The following FAT3 variants were observed in gnomAD, a reference collection of about 807,000 sequenced individuals.
FAT3 encodes protocadherin Fat 3.
A neutral mutation model predicts 310.2 loss-of-function variants in FAT3; 95 were observed. The ratio of observed to expected loss-of-function variants is 0.31; its 90% confidence interval spans 0.26 to 0.36. FAT3 has a LOEUF of 0.36. Ranked by LOEUF, FAT3 falls within the 10% of genes least tolerant of loss-of-function variation. FAT3 has a pLI of 1.00. For missense variants in FAT3, 5,408 were observed against 5,715.6 expected (o/e 0.95, Z 1.74); for synonymous variants, 2,314 against 2,192.9 (o/e 1.06, Z -1.54).
rs145265089 is a variant in FAT3 at position 92,804,394 on chromosome 11, A to G, written c.8897-759A>G. On this transcript the variant is annotated intron_variant, in intron 10 of 27. Transcript: ENST00000525166. ...CATCATCTTCTTCCTTCCTCCTCCT[A>G]TCTTGTTCCCCAAGCTGCTTTTGCC... is the stretch of plus-strand genomic sequence containing the variant. 4.7e-4 allele frequency among the ~76,000 whole-genome samples: 71 copies of G among 151,496 alleles called. No individual in the cohort carries two copies. The East Asian group carries it at 8.0e-3, about 17-fold the overall frequency.
At chr11:92,305,649 C>T (rs745917707) in intron 1 of FAT3, among the ~76,000 whole-genome samples, 1 of 152,088 alleles carries the variant, frequency 6.6e-6, no homozygotes, top group Non-Finnish European at 1.5e-5. Context: ...GGTGAAAGAA[C>T]ATCACTTCTA....
chr11:92,755,215 T>TTGTTTG lies in FAT3; in HGVS notation c.3670-6640_3670-6639insGTTTGT, dbSNP rs149946516. Among the ~76,000 whole-genome samples, 22 of 151,434 alleles carry TTGTTTG rather than the reference T, an allele frequency of 1.5e-4. No individual in the cohort carries two copies. In the South Asian group the frequency reaches 4.6e-3, roughly 32 times the overall value. Reference sequence around the variant, plus strand: ...ACTTTAAAATTGCTAAGAGAGTAGTTTTTGTTTGTTTGTTTGTTTGTTTTT... The same window carrying TTGTTTG: ...ACTTTAAAATTGCTAAGAGAGTAGTTTGTTTGTTTGTTTGTTTGTTTGTTTGTTTTT... On this transcript the variant is annotated intron_variant, in intron 4 of 27. Transcript: ENST00000525166.
At chr11:92,649,918 C>A (rs1261941053) in intron 3 of FAT3, among the ~76,000 whole-genome samples, 1 of 83,352 alleles carries the variant, frequency 1.2e-5, no homozygotes, top group East Asian at 4.5e-4. Flanking sequence ...TATATATATG[C>A]ACCTTCTTTC....
At chr11:92,338,997 C>A (rs1437123183) in intron 1 of FAT3, among the ~76,000 whole-genome samples, 1 of 152,184 alleles carries the variant, frequency 6.6e-6, no homozygotes, top group Non-Finnish European at 1.5e-5. Flanking sequence ...ATCCCCAGAA[C>A]CTCTCAATGG....
intron 2 of FAT3, among the ~76,000 whole-genome samples, chr11:92,524,196 A>G (rs1209764369): frequency 6.6e-6 from 1 of 152,178 alleles, no homozygotes; most frequent in Non-Finnish European, 1.5e-5. Context: ...AATTTACCCT[A>G]GGAGAGCTTT....
chr11:92,805,393 A>G, intron 11 of FAT3, 44 bp downstream of exon 11: 1 of 1,541,886 alleles, frequency 6.5e-7, no homozygotes, highest in East Asian at 2.3e-5. Flanking sequence ...TGCTTCTCCA[A>G]AATAAAATAA....
chr11:92,532,073 C>A (rs759261155), intron 3 of FAT3, among the ~76,000 whole-genome samples: 3 of 152,056 alleles, frequency 2.0e-5, no homozygotes, highest in Non-Finnish European at 2.9e-5. Context: ...TAGCAAAGCA[C>A]CCTGTGCAAA....
At chr11:92,689,604 T>C (rs1292869919) in intron 3 of FAT3, among the ~76,000 whole-genome samples, 2 of 152,040 alleles carry the variant, frequency 1.3e-5, no homozygotes, top group Non-Finnish European at 2.9e-5. Flanking sequence ...CTCTGTGCAG[T>C]TGGGAGGAAG....
intron 2 of FAT3, among the ~76,000 whole-genome samples, chr11:92,356,145 T>C (rs78020513): frequency 0.029 from 4,474 of 152,332 alleles, 100 homozygotes; most frequent in Middle Eastern, 0.054. Context: ...TACAGGTTTT[T>C]TAAAATACTT....
chr11:92,245,023 T>C (rs185702218), intron 1 of FAT3, among the ~76,000 whole-genome samples: 6 of 152,204 alleles, frequency 3.9e-5, no homozygotes, highest in Admixed American at 2.0e-4. Flanking sequence ...ATCATTCTAC[T>C]ATAAAGATAC....
chr11:92,250,640 A>G (rs1865099559), intron 1 of FAT3, among the ~76,000 whole-genome samples: 2 of 152,166 alleles, frequency 1.3e-5, no homozygotes. Flanking sequence ...ACTGCATTCA[A>G]GAATGTCTGT....
intron 2 of FAT3, among the ~76,000 whole-genome samples, chr11:92,454,929 GA>G (rs1480625691): frequency 6.6e-6 from 1 of 151,998 alleles, no homozygotes; most frequent in Non-Finnish European, 1.5e-5. Context: ...TACAGATAAA[GA>G]AAATAAGGCT....
chr11:92,502,596 A>G (rs892376577), intron 2 of FAT3, among the ~76,000 whole-genome samples: 2 of 152,100 alleles, frequency 1.3e-5, no homozygotes, highest in Non-Finnish European at 2.9e-5. Flanking sequence ...GAAGAGGCTG[A>G]ATCTCTATTC....
intron 2 of FAT3, among the ~76,000 whole-genome samples, chr11:92,480,943 A>G (rs1952206981): frequency 6.6e-6 from 1 of 152,238 alleles, no homozygotes; most frequent in Non-Finnish European, 1.5e-5. Flanking sequence ...GAGGAAAACT[A>G]CTAATGTTAT....
chr11:92,832,097 G>A, intron 14 of FAT3, 86 bp downstream of exon 14: 1 of 1,398,482 alleles, frequency 7.2e-7, no homozygotes, highest in East Asian at 2.5e-5. Flanking sequence ...TTGGGAGGCT[G>A]AGGCAAGAAG....
At position 92,801,763 on chromosome 11, in the gene FAT3, T is replaced by C. The variant is rs959162797; in HGVS notation, c.8750T>C (p.Ile2917Thr). Residue 2917 changes from isoleucine to threonine, a missense_variant, in exon 10 of 28, where the codon ATA becomes ACA. Ile to Thr is a moderately conservative substitution (Grantham distance 89). Transcript: ENST00000525166. ...TTGGTCTCTGTCAGAGTGACAGATA[T>C]AAATGACAATGCACCAGTCTTCGCG... ...TALVSVRVTDINDNAPVFAQE... is the reference protein window; with the variant it reads ...TALVSVRVTDTNDNAPVFAQE... 1.2e-6 allele frequency: 2 copies of C among 1,613,870 alleles called. No individual in the cohort carries two copies. The highest frequency in any genetic ancestry group is 1.7e-6 in the Non-Finnish European group (2 of 1,179,848).
chr11:92,751,286 G>A (rs574274998), intron 4 of FAT3, among the ~76,000 whole-genome samples: 3 of 152,120 alleles, frequency 2.0e-5, no homozygotes, highest in Admixed American at 6.5e-5. Flanking sequence ...GATAATAATC[G>A]CATCTTACTC....
intron 3 of FAT3, among the ~76,000 whole-genome samples, chr11:92,683,024 G>C (rs1435344102): frequency 1.4e-5 from 2 of 147,272 alleles, no homozygotes; most frequent in African/African-American, 5.2e-5. Context: ...GTTGCAGTGA[G>C]CTGAGATCAT....
intron 1 of FAT3, among the ~76,000 whole-genome samples, chr11:92,273,996 C>T (rs941371463): frequency 4.6e-5 from 7 of 151,946 alleles, no homozygotes; most frequent in South Asian, 2.1e-4. Flanking sequence ...GTTTTTATAG[C>T]GCATAATGAA....
Sources: allele counts gnomAD v4.1 joint callset (sites outside exome capture counted in the v4.1 genomes callset), GRCh38; gene constraint gnomAD v4.1.1; transcripts MANE v1.5; gene names NCBI Gene and HGNC (gene_info 2026-07-23, HGNC 2026-07-21).